The following FRS2 variants were observed in gnomAD, a reference collection of about 807,000 sequenced individuals.
The protein encoded by FRS2 is FGFR signalling adaptor.
In FRS2, 8 loss-of-function variants were observed where a neutral mutation model predicts 43.9. The observed-to-expected ratio is 0.18, with a 90% CI of 0.11 to 0.33. The LOEUF (loss-of-function observed/expected upper bound fraction) is 0.33, where lower values mean the gene tolerates loss of function less well. Among genes scored for constraint, FRS2 ranks in the 10% least tolerant of loss-of-function variants. FRS2 has a pLI of 1.00. For missense variants in FRS2, 534 were observed against 627.6 expected, an observed-to-expected ratio of 0.85 and a Z score of 1.59; for synonymous variants, 219 against 220.3, an observed-to-expected ratio of 0.99 and a Z score of 0.05.
chr12:69,524,590 G>A (rs987956047), intron 1 of FRS2, among the ~76,000 whole-genome samples: 10 of 152,054 alleles, frequency 6.6e-5, no homozygotes, highest in African/African-American at 1.4e-4. Context: ...GGGTGTTCAC[G>A]TCAAACTGGC....
intron 1 of FRS2, among the ~76,000 whole-genome samples, chr12:69,494,646 G>A (rs1283799861): frequency 1.3e-5 from 2 of 152,154 alleles, no homozygotes; most frequent in African/African-American, 4.8e-5. Context: ...AGTGAGTCAA[G>A]GAGGCACGTA....
intron 1 of FRS2, among the ~76,000 whole-genome samples, chr12:69,529,238 A>G (rs1264309142): frequency 6.6e-6 from 1 of 152,214 alleles, no homozygotes; most frequent in Admixed American, 6.5e-5. Flanking sequence ...GGCTTGGACC[A>G]TCGTAGTAAG....
intron 3 of FRS2, among the ~76,000 whole-genome samples, chr12:69,560,631 C>A (rs974434613): frequency 3.0e-4 from 45 of 152,028 alleles, no homozygotes; most frequent in Admixed American, 2.8e-3. Flanking sequence ...GTAGTATGTA[C>A]CTGATTGGTT....
chr12:69,551,711 A>T (rs1343293700), intron 3 of FRS2, among the ~76,000 whole-genome samples: 2 of 152,210 alleles, frequency 1.3e-5, no homozygotes, highest in Non-Finnish European at 2.9e-5. Flanking sequence ...ATCAGTATTT[A>T]AGAAGGGCTC....
intron 3 of FRS2, among the ~76,000 whole-genome samples, chr12:69,535,983 G>A (rs1476221404): frequency 6.6e-6 from 1 of 150,744 alleles, no homozygotes. Flanking sequence ...ATTATGAAAG[G>A]GCCCTCTATC....
chr12:69,563,710 A>G (rs1319889864), intron 4 of FRS2, among the ~76,000 whole-genome samples: 1 of 152,128 alleles, frequency 6.6e-6, no homozygotes, highest in Non-Finnish European at 1.5e-5. Context: ...CTTGGTGACT[A>G]ATCCTGCCAT....
Position 69,569,003 on chromosome 12 carries a change from A to C in FRS2, c.-26-2A>C. On this transcript the variant is annotated splice_acceptor_variant, in intron 4 of 8. Transcript: ENST00000549921. LOFTEE classifies it low-confidence loss of function (5UTR_SPLICE). ...AATTTTTCCAAATTATTTTTCATGT[A>C]GTGCACACATGGTCTTCTGAAGAAG... 1 of 1,497,890 alleles carries C rather than the reference A, an allele frequency of 6.7e-7. No individual in the cohort carries two copies. Among genetic ancestry groups the C allele is most frequent in the Non-Finnish European group, 9.2e-7 (1 of 1,089,476 alleles). 92.8% of individuals were successfully genotyped at this position (1,497,890 alleles called of 1,614,324 possible).
At chr12:69,552,025 G>A (rs746173060) in intron 3 of FRS2, among the ~76,000 whole-genome samples, 1 of 151,736 alleles carries the variant, frequency 6.6e-6, no homozygotes, top group Non-Finnish European at 1.5e-5. Flanking sequence ...GTCATCTCTG[G>A]CCGGGCACGG....
At chr12:69,546,583 G>A (rs1878431098) in intron 3 of FRS2, among the ~76,000 whole-genome samples, 1 of 151,942 alleles carries the variant, frequency 6.6e-6, no homozygotes. Context: ...AGTAGAGATG[G>A]GGTTTTACCC....
chr12:69,516,367 T>C (rs999884334), intron 1 of FRS2, among the ~76,000 whole-genome samples: 1 of 151,862 alleles, frequency 6.6e-6, no homozygotes, highest in African/African-American at 2.4e-5. Flanking sequence ...TACAGGCGTG[T>C]GCCACCACGC....
rs1220926313 is a variant in FRS2 at position 69,470,457 on chromosome 12, C to T, written c.-334C>T. On this transcript the variant is annotated 5_prime_UTR_variant, in exon 1 of 9. Transcript: ENST00000549921. Reference sequence around the variant, plus strand: ...ACTCGATCTGCTCCAAGTAGGGGCTCCAGCGCGGGTCGGAGTCTGGGGGTT... The same window carrying T: ...ACTCGATCTGCTCCAAGTAGGGGCTTCAGCGCGGGTCGGAGTCTGGGGGTT... 1.8e-5 allele frequency: 7 copies of T among 398,578 alleles called. No individual in the cohort carries two copies. The highest frequency in any genetic ancestry group is 6.2e-5 in the African/African-American group (3 of 48,748). 24.7% of individuals were successfully genotyped at this position (398,578 alleles called of 1,614,324 possible). A position where few individuals can be genotyped will look rare whatever the true frequency, so the allele number is the denominator to read the frequency against.
chr12:69,541,282 C>T (rs1277805573), intron 3 of FRS2, among the ~76,000 whole-genome samples: 2 of 152,128 alleles, frequency 1.3e-5, no homozygotes, highest in Admixed American at 6.5e-5. Context: ...CATTTGCTGC[C>T]ATCTGAAGGC....
chr12:69,546,017 GAC>G (rs2135720434), intron 3 of FRS2, among the ~76,000 whole-genome samples: 1 of 152,250 alleles, frequency 6.6e-6, no homozygotes, highest in Non-Finnish European at 1.5e-5. Context: ...AATGCTTCAT[GAC>G]ATTGGATTTG....
chr12:69,495,159 A>G (rs1039584905), intron 1 of FRS2, among the ~76,000 whole-genome samples: 3 of 152,250 alleles, frequency 2.0e-5, no homozygotes, highest in Non-Finnish European at 4.4e-5. Context: ...GCTGAAGAAC[A>G]GTGATGAACA....
At chr12:69,503,439 G>A (rs1482847553) in intron 1 of FRS2, among the ~76,000 whole-genome samples, 2 of 152,132 alleles carry the variant, frequency 1.3e-5, no homozygotes, top group Non-Finnish European at 2.9e-5. Context: ...TAGTCCTAGA[G>A]ATTTTACAGG....
chr12:69,516,243 A>C (rs1197646863), intron 1 of FRS2, among the ~76,000 whole-genome samples: 1 of 145,062 alleles, frequency 6.9e-6, no homozygotes, highest in Non-Finnish European at 1.5e-5. Context: ...TTTGAGACGG[A>C]GTTTCGCTCT....
Position 69,571,372 on chromosome 12 carries a change from T to C in FRS2, c.350T>C (p.Val117Ala). 6.2e-7 allele frequency: 1 copy of C among 1,612,316 alleles called. No homozygotes were observed. Among genetic ancestry groups the C allele is most frequent in the Non-Finnish European group, 8.5e-7 (1 of 1,178,626 alleles). Residue 117 changes from valine to alanine, a missense_variant, in exon 7 of 9, where the codon GTT becomes GCT. By Grantham distance (64) the Val-to-Ala change is moderately conservative. Coordinates refer to ENST00000549921, the MANE Select transcript of FRS2 (RefSeq NM_001278356.2). ...AGTATAAATGTGGTGGAAGAGCCAGTTGTAGAAAGAAATAATCATCAGACA... is the reference window on the plus strand; with the variant it reads ...AGTATAAATGTGGTGGAAGAGCCAGCTGTAGAAAGAAATAATCATCAGACA... ...NNSINVVEEP[V>A]VERNNHQTEL...
intron 3 of FRS2, among the ~76,000 whole-genome samples, chr12:69,543,851 G>A (rs1478913208): frequency 6.6e-6 from 1 of 152,076 alleles, no homozygotes; most frequent in Admixed American, 6.5e-5. Flanking sequence ...AGAATTTTAA[G>A]GTACATGATC....
chr12:69,536,872 A>G (rs1382295374), intron 3 of FRS2, among the ~76,000 whole-genome samples: 1 of 151,920 alleles, frequency 6.6e-6, no homozygotes, highest in Non-Finnish European at 1.5e-5. Flanking sequence ...CCCAGCTCTG[A>G]TTTACGTGTA....
Sources: gnomAD v4.1 joint callset for allele counts (sites outside exome capture counted in the v4.1 genomes callset) on GRCh38, gnomAD v4.1.1 for gene constraint, MANE v1.5 for transcripts, NCBI Gene and HGNC (gene_info 2026-07-23, HGNC 2026-07-21) for gene names.